Variants in SETD4 observed in about 807,000 individuals in gnomAD.
SETD4 encodes the protein SET domain containing 4.
In SETD4, 46 loss-of-function variants were observed where a neutral mutation model predicts 58.3. The observed-to-expected ratio is 0.79, with a 90% CI of 0.62 to 1.01. The LOEUF (loss-of-function observed/expected upper bound fraction) is 1.01. SETD4 is among the 50% of genes least tolerant of loss of function. SETD4 has a pLI of 0.00. For synonymous variants in SETD4, 190 were observed against 202.6 expected (o/e 0.94, Z 0.53); for missense variants, 490 against 523.3 (o/e 0.94, Z 0.62).
intron 4 of SETD4, chr21:36,051,449 A>C: frequency 7.1e-7 from 1 of 1,412,076 alleles, no homozygotes; most frequent in South Asian, 1.6e-5. Flanking sequence ...TTTAAAACCA[A>C]CTTGCAATGC....
intron 5 of SETD4, among the ~76,000 whole-genome samples, chr21:36,046,820 A>T (rs2064353742): frequency 6.6e-6 from 1 of 152,236 alleles, no homozygotes; most frequent in Non-Finnish European, 1.5e-5. Context: ...ATACTGCCAT[A>T]CATTCTACTC....
At chr21:36,042,790 G>A (rs1283170473) in intron 7 of SETD4, 1 of 152,082 alleles carries the variant, frequency 6.6e-6, no homozygotes, top group East Asian at 1.9e-4. Context: ...TAAGTGTAAT[G>A]GCTAACTTAC....
At chr21:36,059,189 G>C (rs2065147957) in intron 1 of SETD4, 1 of 230,044 alleles carries the variant, frequency 4.3e-6, no homozygotes, top group Non-Finnish European at 8.3e-6. Flanking sequence ...TGCAGACCTA[G>C]TGACTACAGC....
At chr21:36,055,750 G>A (rs1490130963) in intron 3 of SETD4, among the ~76,000 whole-genome samples, 1 of 152,136 alleles carries the variant, frequency 6.6e-6, no homozygotes, top group East Asian at 1.9e-4. Context: ...CTGGGGCCAG[G>A]GCAAGTTGTG....
intron 4 of SETD4, chr21:36,050,073 G>T: frequency 1.7e-6 from 1 of 596,010 alleles, no homozygotes; most frequent in Non-Finnish European, 3.0e-6. Context: ...CTAGGAGGGT[G>T]GTGCACTCTA....
rs1018812481 is a variant in SETD4, at chr21:36,060,329, G to A, written c.-37+18C>T. On this transcript the variant is annotated intron_variant, in intron 1 of 11. Transcript: ENST00000332131. ...CCCGGGCAACTGGAGGCCCGACCCG[G>A]AAGTCCTACTAGCTCACCTAGGCGC... The A allele has an allele frequency of 5.1e-6, 1 of 195,504 alleles. No individual in the cohort carries two copies. Among genetic ancestry groups the A allele is most frequent in the African/African-American group, 2.4e-5 (1 of 42,256 alleles). 12.1% of individuals were successfully genotyped at this position (195,504 alleles called of 1,614,324 possible). A position where few individuals can be genotyped will look rare whatever the true frequency, so the allele number is the denominator to read the frequency against.
At chr21:36,036,303 T>A (rs753375453) in intron 10 of SETD4, 52 bp from the exon 11 acceptor site, 22 of 1,391,678 alleles carry the variant, frequency 1.6e-5, no homozygotes, top group Non-Finnish European at 1.5e-5. Context: ...ATATATATAT[T>A]TCACAGAACG....
At position 36,045,568 on chromosome 21, in the gene SETD4, T is replaced by C; in HGVS notation, c.726+14A>G. 1.2e-6 allele frequency: 2 copies of C among 1,608,664 alleles called. No homozygotes were observed. The highest frequency in any genetic ancestry group is 1.7e-6 in the Non-Finnish European group (2 of 1,175,942). Reference sequence around the variant, plus strand: ...TATCCAAATAGAATAGCTGCTCCCTTGTCAGCTTCTCACCTGGACATGTGG... The same window carrying C: ...TATCCAAATAGAATAGCTGCTCCCTCGTCAGCTTCTCACCTGGACATGTGG... On this transcript the variant is annotated intron_variant, in intron 6 of 11. Transcript: ENST00000332131.
intron 4 of SETD4, among the ~76,000 whole-genome samples, chr21:36,048,663 C>A (rs2064475172): frequency 6.6e-6 from 1 of 152,046 alleles, no homozygotes; most frequent in East Asian, 1.9e-4. Context: ...GTCAACCCTT[C>A]ACCAGAATGA....
intron 10 of SETD4, chr21:36,036,613 A>G (rs2063793277): frequency 1.0e-6 from 1 of 972,810 alleles, no homozygotes; most frequent in Non-Finnish European, 1.2e-6. Context: ...CTTCATTAAA[A>G]TCACTCTTTA....
At chr21:36,036,335 T>A (rs1243685604) in intron 10 of SETD4, 84 bp from the exon 11 acceptor site, 14 of 1,294,560 alleles carry the variant, frequency 1.1e-5, no homozygotes, top group Non-Finnish European at 1.5e-5. Flanking sequence ...TTAACCAATT[T>A]TAAGTGTATG....
In SETD4 at chr21:36,045,925, G is replaced by A; in HGVS notation, c.383C>T (p.Pro128Leu). The A allele has an allele frequency of 3.7e-6, 6 of 1,614,198 alleles. No individual in the cohort carries two copies. The highest frequency in any genetic ancestry group is 5.1e-6 in the Non-Finnish European group (6 of 1,180,036). The change falls in exon 6 of 12, where the codon CCT (proline) becomes CTT (leucine). Residue 128 changes from proline (P) to leucine (L), a missense_variant. Physicochemically the swap from Pro to Leu is moderately conservative, Grantham distance 98. Coordinates refer to ENST00000332131, the MANE Select transcript of SETD4 (RefSeq NM_017438.5). ...KHAGHRSLWK[P>L]YLEILPKAYT... Reference sequence around the variant, plus strand: ...CGCCTTGGGTAAAATCTCCAGGTAAGGCTTCCAAAGAGATCGGTGCCCAGC... The same window carrying A: ...CGCCTTGGGTAAAATCTCCAGGTAAAGCTTCCAAAGAGATCGGTGCCCAGC...
rs1601233291 is a variant in SETD4, at chr21:36,045,856, A to G, written c.452T>C (p.Leu151Pro). ...VCLEPEVVNL[L>P]PKSLKAKAEE... ...AGCCTTTGCTTTTAAAGATTTGGGA[A>G]GAAGGTTCACCACTTCCGGCTCCAA... Residue 151 changes from leucine to proline, a missense_variant, in exon 6 of 12, where the codon CTT becomes CCT. By Grantham distance (98) the Leu-to-Pro change is moderately conservative. Coordinates refer to ENST00000332131, the MANE Select transcript of SETD4 (RefSeq NM_017438.5). The G allele has an allele frequency of 6.2e-7, 1 of 1,614,224 alleles. No individual in the cohort carries two copies. Among genetic ancestry groups the G allele is most frequent in the Non-Finnish European group, 8.5e-7 (1 of 1,180,044 alleles).
intron 4 of SETD4, 23 bp from the exon 5 acceptor site, chr21:36,048,419 T>A: frequency 7.5e-6 from 12 of 1,608,142 alleles, no homozygotes; most frequent in Non-Finnish European, 1.0e-5. Flanking sequence ...AAAGTAAAGT[T>A]GAGGACGCCT....
chr21:36,036,384 A>G, intron 10 of SETD4, 133 bp from the exon 11 acceptor site: 3 of 928,212 alleles, frequency 3.2e-6, no homozygotes, highest in Non-Finnish European at 4.7e-6. Context: ...GTTTAGATCC[A>G]CTGCCACTCT....
In SETD4 at chr21:36,035,772, C is replaced by T. The variant is rs147369958; in HGVS notation, c.*221G>A. ...GCTGGCTCCTGGCTGCCTCACAGTC[C>T]GCCTCTCTCCTCACAGTTCAGCACT... On this transcript the variant is annotated 3_prime_UTR_variant, in exon 12 of 12. Transcript: ENST00000332131. The T allele has an allele frequency of 2.9e-4, 83 of 283,136 alleles. No individual in the cohort carries two copies. Among genetic ancestry groups the T allele is most frequent in the African/African-American group, 1.7e-3 (73 of 43,836 alleles). 17.5% of individuals were successfully genotyped at this position (283,136 alleles called of 1,614,324 possible).
intron 6 of SETD4, among the ~76,000 whole-genome samples, chr21:36,045,293 A>C (rs1038541302): frequency 3.9e-5 from 6 of 152,354 alleles, no homozygotes; most frequent in Admixed American, 6.5e-5. Context: ...AGAAGGAAGG[A>C]AGGCTCCGCA....
At chr21:36,050,263 C>T in intron 4 of SETD4, 1 of 1,534,882 alleles carries the variant, frequency 6.5e-7, no homozygotes, top group Non-Finnish European at 9.0e-7. Flanking sequence ...ATAGATTGTC[C>T]CATCAGGGAA....
At position 36,048,384 on chromosome 21, in the gene SETD4, T is replaced by C; in HGVS notation, c.220A>G (p.Ile74Val). The change falls in exon 5 of 12, where the codon ATT (isoleucine) becomes GTT (valine). Residue 74 changes from isoleucine to valine, a missense_variant. Physicochemically the swap from Ile to Val is conservative, Grantham distance 29. Transcript: ENST00000332131. ...AGGCAACTCTCAGGCAACGAAATAATCATCTGTCCCTCCTGGCCAAAAGGA... is the reference window on the plus strand; with the variant it reads ...AGGCAACTCTCAGGCAACGAAATAACCATCTGTCCCTCCTGGCCAAAAGGA... The part of the protein sequence containing the change: ...SQTSLQEGQM[I>V]ISLPESCLLT... 6.2e-7 allele frequency: 1 copy of C among 1,614,028 alleles called. No individual in the cohort carries two copies. Among genetic ancestry groups the C allele is most frequent in the South Asian group, 1.1e-5 (1 of 91,072 alleles).
Sources: gnomAD v4.1 joint callset for allele counts (sites outside exome capture counted in the v4.1 genomes callset) on GRCh38, gnomAD v4.1.1 for gene constraint, MANE v1.5 for transcripts, NCBI Gene and HGNC (gene_info 2026-07-23, HGNC 2026-07-21) for gene names.